Variants in CREB5 observed in about 807,000 individuals in gnomAD.
The protein encoded by CREB5 is cyclic AMP-responsive element-binding protein 5.
A neutral mutation model predicts 57.1 loss-of-function variants in CREB5; 19 were observed. The observed-to-expected ratio is 0.33, with a 90% CI of 0.23 to 0.49. The LOEUF (loss-of-function observed/expected upper bound fraction) is 0.49, where lower values mean the gene tolerates loss of function less well. CREB5 is among the 20% of genes least tolerant of loss of function. CREB5 has a pLI of 0.99. For synonymous variants in CREB5, 238 were observed against 238.3 expected (o/e 1.00, Z 0.01); for missense variants, 579 against 671.6 (o/e 0.86, Z 1.52).
At chr7:28,445,554 T>TTC (rs1390458202) in intron 1 of CREB5, among the ~76,000 whole-genome samples, 5 of 145,826 alleles carry the variant, frequency 3.4e-5, no homozygotes, top group African/African-American at 1.0e-4. Context: ...TTCTTTTTCT[T>TTC]TTTTTTTTTT....
chr7:28,802,640 A>C (rs982720896), intron 7 of CREB5, among the ~76,000 whole-genome samples: 2 of 152,254 alleles, frequency 1.3e-5, no homozygotes, highest in Non-Finnish European at 2.9e-5. Flanking sequence ...GAGTAACTGC[A>C]TTATACAGTC....
chr7:28,724,101 G>GA, intron 6 of CREB5, 121 bp from the exon 7 acceptor site: 1 of 781,056 alleles, frequency 1.3e-6, no homozygotes, highest in Non-Finnish European at 2.0e-6. Context: ...CCAAACCATA[G>GA]GCCTTCTCAG....
intron 5 of CREB5, among the ~76,000 whole-genome samples, chr7:28,712,366 G>T (rs186335200): frequency 6.6e-6 from 1 of 151,370 alleles, no homozygotes; most frequent in African/African-American, 2.4e-5. Context: ...AAATTACCCC[G>T]GCATAGTGGC....
At chr7:28,402,614 T>A (rs1352259051) in intron 1 of CREB5, among the ~76,000 whole-genome samples, 3 of 152,210 alleles carry the variant, frequency 2.0e-5, no homozygotes, top group African/African-American at 7.2e-5. Context: ...GAAAACTGGC[T>A]GGCCATATGT....
intron 7 of CREB5, among the ~76,000 whole-genome samples, chr7:28,765,464 G>T (rs533356789): frequency 6.6e-6 from 1 of 152,068 alleles, no homozygotes; most frequent in Non-Finnish European, 1.5e-5. Context: ...TTCTTTCTTC[G>T]TTTGGTATTC....
Position 28,330,424 on chromosome 7 carries a change from A to G in CREB5, c.-25+30983A>G, listed in dbSNP as rs1178385069. Reference sequence around the variant, plus strand: ...TACTTTTTTTTTTTTTTTTTTTTGCATATTTAGTTTGCATCGTCAGAGGAA... The same window carrying G: ...TACTTTTTTTTTTTTTTTTTTTTGCGTATTTAGTTTGCATCGTCAGAGGAA... On this transcript the variant is annotated intron_variant, in intron 1 of 9. Coordinates refer to the CREB5 transcript ENST00000396299. Among the ~76,000 whole-genome samples the G allele has an allele frequency of 8.3e-5, 4 of 48,014 alleles. No individual in the cohort carries two copies. In the East Asian group the frequency reaches 2.0e-3, roughly 24 times the overall value. The allele number at this position is 48,014 out of a possible 152,430, so 31.5% of individuals were successfully genotyped here.
intron 1 of CREB5, among the ~76,000 whole-genome samples, chr7:28,441,054 G>C (rs1789166107): frequency 6.6e-6 from 1 of 152,042 alleles, no homozygotes. Flanking sequence ...AATTCATATG[G>C]TTTTGATTCA....
chr7:28,732,397 C>CA (rs1221650076), intron 7 of CREB5, among the ~76,000 whole-genome samples: 25 of 151,792 alleles, frequency 1.6e-4, no homozygotes, highest in Admixed American at 1.2e-3. Context: ...TGCATCTGGG[C>CA]AAAAAAAACT....
intron 7 of CREB5, among the ~76,000 whole-genome samples, chr7:28,779,855 C>T (rs1010824645): frequency 6.6e-6 from 1 of 152,176 alleles, no homozygotes; most frequent in African/African-American, 2.4e-5. Flanking sequence ...TCTTCTCTGA[C>T]ACCCACTTTC....
chr7:28,774,884 C>G (rs1309638762), intron 7 of CREB5, among the ~76,000 whole-genome samples: 1 of 152,170 alleles, frequency 6.6e-6, no homozygotes, highest in Non-Finnish European at 1.5e-5. Context: ...CTCAGCTGTC[C>G]TCAGGCAACA....
chr7:28,805,127 G>A (rs918905661), intron 8 of CREB5, among the ~76,000 whole-genome samples: 2 of 152,192 alleles, frequency 1.3e-5, no homozygotes, highest in South Asian at 2.1e-4. Context: ...TGAGAAATGC[G>A]TTGGAGGGAA....
intron 4 of CREB5, among the ~76,000 whole-genome samples, chr7:28,557,954 A>G (rs1794942091): frequency 6.6e-6 from 1 of 152,144 alleles, no homozygotes; most frequent in African/African-American, 2.4e-5. Context: ...ACCCCTAAGG[A>G]TCCAGAGAAC....
At chr7:28,782,197 A>G (rs756152295) in intron 7 of CREB5, among the ~76,000 whole-genome samples, 1 of 152,150 alleles carries the variant, frequency 6.6e-6, no homozygotes, top group Non-Finnish European at 1.5e-5. Flanking sequence ...ATACAGTAAG[A>G]GTGTTTTTGA....
chr7:28,317,270 T>G (rs17156577), intron 1 of CREB5, among the ~76,000 whole-genome samples: 3 of 152,020 alleles, frequency 2.0e-5, no homozygotes, highest in Non-Finnish European at 4.4e-5. Flanking sequence ...TCTTCATCAG[T>G]GTGAAACCAG....
At chr7:28,427,833 G>A (rs540702302) in intron 1 of CREB5, among the ~76,000 whole-genome samples, 1 of 152,212 alleles carries the variant, frequency 6.6e-6, no homozygotes, top group South Asian at 2.1e-4. Flanking sequence ...TCCGGAGATG[G>A]CTATGTGATA....
rs114978906 is a variant in CREB5, at chr7:28,672,261, C to T, written c.465-46492C>T. Among the ~76,000 whole-genome samples, 1,325 of 151,384 alleles carry T rather than the reference C, an allele frequency of 8.8e-3. 19 individuals are homozygous for T. Among genetic ancestry groups the T allele is most frequent in the African/African-American group, 0.031 (1,268 of 41,256 alleles). On this transcript the variant is annotated intron_variant, in intron 5 of 10. Transcript: ENST00000357727. ...AAGACCTGGGATCTAGTTAATAAAT[C>T]TGTGTTCTTGACCAAGTCATTACAC... is the stretch of plus-strand genomic sequence containing the variant.
intron 4 of CREB5, among the ~76,000 whole-genome samples, chr7:28,554,558 C>CT (rs1394774645): frequency 6.6e-6 from 1 of 152,196 alleles, no homozygotes; most frequent in Non-Finnish European, 1.5e-5. Context: ...CATGGATCTG[C>CT]TTTTTTCTTT....
intron 1 of CREB5, among the ~76,000 whole-genome samples, chr7:28,370,849 A>T (rs912365403): frequency 6.6e-6 from 1 of 152,162 alleles, no homozygotes; most frequent in Non-Finnish European, 1.5e-5. Context: ...AACATTGCCA[A>T]CCCAAGAAAT....
chr7:28,725,659 A>AAAAAG (rs1803296742), intron 7 of CREB5, among the ~76,000 whole-genome samples: 1 of 148,266 alleles, frequency 6.7e-6, no homozygotes, highest in Non-Finnish European at 1.5e-5. Context: ...AAAAAAAAAA[A>AAAAAG]AAAGAAAGAA....
Sources: allele counts gnomAD v4.1 joint callset (sites outside exome capture counted in the v4.1 genomes callset), GRCh38; gene constraint gnomAD v4.1.1; transcripts MANE v1.5; gene names NCBI Gene and HGNC (gene_info 2026-07-23, HGNC 2026-07-21).